USP35: variants seen among roughly 807,000 people sequenced by gnomAD.
USP35 encodes the protein ubiquitin specific peptidase 35, also known as ubiquitin carboxyl-terminal hydrolase 35.
In USP35, 69 loss-of-function variants were observed where a neutral mutation model predicts 83.8. That is an observed-to-expected ratio of 0.82 (90% CI 0.68 to 1.01). The LOEUF (loss-of-function observed/expected upper bound fraction) is 1.01, where lower values mean the gene tolerates loss of function less well. Among genes scored for constraint, USP35 ranks in the 50% least tolerant of loss-of-function variants. USP35 has a pLI of 0.00. For synonymous variants in USP35, 714 were observed against 589.5 expected (o/e 1.21, Z -3.06); for missense variants, 1,503 against 1,362.5 (o/e 1.10, Z -1.62).
chr11:78,210,779 T>C (rs2134417379), intron 10 of USP35, 35 bp downstream of exon 10: 10 of 1,500,642 alleles, frequency 6.7e-6, no homozygotes, highest in South Asian at 2.7e-5. Context: ...ATCTGATCTC[T>C]TGGTGGAGGG....
chr11:78,201,500 G>A (rs1214839769), intron 6 of USP35, among the ~76,000 whole-genome samples: 1 of 152,196 alleles, frequency 6.6e-6, no homozygotes, highest in Admixed American at 6.5e-5. Context: ...ATGTCTACAA[G>A]GTTTGGCTTG....
chr11:78,213,590 C>T (rs995323974), intron 10 of USP35, 56 bp from the exon 11 acceptor site: 27 of 1,432,710 alleles, frequency 1.9e-5, no homozygotes, highest in Middle Eastern at 1.8e-4. Flanking sequence ...GGTAGACTCA[C>T]TCTGGCTTCA....
At chr11:78,190,754 TG>T (rs1160504194) in intron 1 of USP35, among the ~76,000 whole-genome samples, 1 of 152,180 alleles carries the variant, frequency 6.6e-6, no homozygotes, top group Admixed American at 6.5e-5. Context: ...GCATGTGAGC[TG>T]GGCATTGAAG....
chr11:78,235,297 C>T, the USP35 span, among the ~76,000 whole-genome samples: 59 of 151,938 alleles, frequency 3.9e-4, no homozygotes, highest in East Asian at 0.011. Flanking sequence ...GGACTAAAGG[C>T]GCCCGTCACC....
At chr11:78,191,841 CTTTTTTTTTT>C (rs1215811595) in intron 1 of USP35, among the ~76,000 whole-genome samples, 5 of 133,470 alleles carry the variant, frequency 3.7e-5, no homozygotes, top group Non-Finnish European at 8.1e-5. Flanking sequence ...CGGCCCTCAT[CTTTTTTTTTT>C]TTTTTTTTTT....
chr11:78,234,784 T>C, the USP35 span, among the ~76,000 whole-genome samples: 18 of 152,158 alleles, frequency 1.2e-4, no homozygotes, highest in East Asian at 3.3e-3. Flanking sequence ...ATCCTGACTT[T>C]ATTGTTGTTC....
At chr11:78,219,968 G>A (rs116551423), downstream of USP35, among the ~76,000 whole-genome samples, 917 of 152,228 alleles carry the variant, frequency 6.0e-3, 5 homozygotes, top group African/African-American at 0.021. Flanking sequence ...GGACCCACTC[G>A]AGAGCCCAGG....
chr11:78,195,374 C>T (rs556755462), intron 1 of USP35, among the ~76,000 whole-genome samples: 1 of 152,244 alleles, frequency 6.6e-6, no homozygotes, highest in East Asian at 1.9e-4. Flanking sequence ...ACGTGTCAGG[C>T]AGAAGGCACA....
chr11:78,220,675 T>G, the USP35 span, among the ~76,000 whole-genome samples: 3 of 152,328 alleles, frequency 2.0e-5, no homozygotes, highest in South Asian at 4.1e-4. Flanking sequence ...TTCACTTTAC[T>G]TTCAGAGAAG....
At chr11:78,191,289 G>C (rs1862997040) in intron 1 of USP35, among the ~76,000 whole-genome samples, 1 of 152,238 alleles carries the variant, frequency 6.6e-6, no homozygotes, top group Non-Finnish European at 1.5e-5. Context: ...CAGGTGAAAG[G>C]ATCTGGGCCT....
At chr11:78,208,378 A>G (rs1372963785) in intron 8 of USP35, among the ~76,000 whole-genome samples, 1 of 152,208 alleles carries the variant, frequency 6.6e-6, no homozygotes, top group East Asian at 1.9e-4. Context: ...GAACAGAACA[A>G]ACACCATCTC....
downstream of USP35, chr11:78,218,247 T>TGTCCCA (rs1864247804): frequency 6.5e-6 from 1 of 154,298 alleles, no homozygotes; most frequent in African/African-American, 2.4e-5. Context: ...AGCCTGTGCC[T>TGTCCCA]GTCCCAGGGT....
the USP35 span, among the ~76,000 whole-genome samples, chr11:78,221,223 G>C: frequency 2.0e-5 from 3 of 152,244 alleles, no homozygotes; most frequent in Non-Finnish European, 4.4e-5. Flanking sequence ...ACTACCAGGT[G>C]CTGGGCAGTT....
At chr11:78,208,209 T>A (rs1013189130) in intron 8 of USP35, among the ~76,000 whole-genome samples, 2 of 152,178 alleles carry the variant, frequency 1.3e-5, no homozygotes, top group Non-Finnish European at 2.9e-5. Flanking sequence ...CATCCTCTCT[T>A]GAAGGTCCCA....
chr11:78,224,923 C>T, the USP35 span, among the ~76,000 whole-genome samples: 1 of 152,138 alleles, frequency 6.6e-6, no homozygotes, highest in African/African-American at 2.4e-5. Context: ...TTCTTCCAGA[C>T]TAGAATACTT....
chr11:78,213,613 T>TAAGTC, intron 10 of USP35, 33 bp from the exon 11 acceptor site: 3 of 967,534 alleles, frequency 3.1e-6, no homozygotes, highest in Admixed American at 1.2e-4. Flanking sequence ...GTGTGAATTC[T>TAAGTC]AAGTCTAAGT....
In USP35 at chr11:78,196,548, C is replaced by T. The variant is rs1169675583; in HGVS notation, c.303C>T (p.Leu101=). The T allele has an allele frequency of 1.1e-5, 14 of 1,236,980 alleles. No individual in the cohort carries two copies. Among genetic ancestry groups the T allele is most frequent in the Middle Eastern group, 3.2e-4 (1 of 3,104 alleles). The allele number at this position is 1,236,980 out of a possible 1,614,324, so 76.6% of individuals were successfully genotyped here. A position where few individuals can be genotyped will look rare whatever the true frequency, so the allele number is the denominator to read the frequency against. The change falls in exon 2 of 11, where the codon CTC becomes CTT. Residue 101 remains leucine, a synonymous_variant. Coordinates refer to ENST00000529308, the MANE Select transcript of USP35 (RefSeq NM_020798.4). The surrounding 1 kb of genome is among the most constrained non-coding windows in gnomAD (Gnocchi z 4.8). ...CCGGCCCCCCGGGCCCCCGCGCGCTCGCCTGCGTGCAGCTGGGTCTGCAGC... is the reference window on the plus strand; with the variant it reads ...CCGGCCCCCCGGGCCCCCGCGCGCTTGCCTGCGTGCAGCTGGGTCTGCAGC... ...GGAGPPGPRA[L]ACVQLGLQLL...
chr11:78,207,695 T>G, intron 8 of USP35, 72 bp downstream of exon 8: 1 of 1,465,212 alleles, frequency 6.8e-7, no homozygotes, highest in Non-Finnish European at 9.5e-7. Flanking sequence ...CACCTTTCCC[T>G]TCCCCAGGAC....
intron 1 of USP35, among the ~76,000 whole-genome samples, chr11:78,191,267 A>G (rs1254754325): frequency 6.6e-6 from 1 of 152,248 alleles, no homozygotes; most frequent in African/African-American, 2.4e-5. Context: ...GTTGAGGGTC[A>G]TCCGAGAGGA....
Sources: gnomAD v4.1 joint callset for allele counts (sites outside exome capture counted in the v4.1 genomes callset) on GRCh38, gnomAD v4.1.1 for gene constraint, Gnocchi (gnomAD v3.1) non-coding constraint, MANE v1.5 for transcripts, NCBI Gene and HGNC (gene_info 2026-07-23, HGNC 2026-07-21) for gene names.